ANKH: variants seen among roughly 807,000 people sequenced by gnomAD.
ANKH encodes ANKH inorganic pyrophosphate transport regulator.
Under a neutral mutation model 49.0 loss-of-function variants are expected in ANKH, and 15 were observed. The ratio of observed to expected loss-of-function variants is 0.31; its 90% CI spans 0.20 to 0.47. The LOEUF (loss-of-function observed/expected upper bound fraction) is 0.47. ANKH is among the 20% of genes least tolerant of loss of function. The probability of loss-of-function intolerance (pLI) is 1.00; values close to 1 mark genes in which losing one functional copy is unlikely to be tolerated. For missense variants in ANKH, 429 were observed against 652.0 expected (o/e 0.66, Z 3.72); for synonymous variants, 273 against 260.0 (o/e 1.05, Z -0.48).
intron 1 of ANKH, among the ~76,000 whole-genome samples, chr5:14,840,008 C>A (rs1337410276): frequency 1.3e-5 from 2 of 152,186 alleles, no homozygotes; most frequent in Admixed American, 6.5e-5. Context: ...TTATCCAAGA[C>A]CCCACTGTGA....
At chr5:14,816,152 C>G (rs1368527786) in intron 1 of ANKH, among the ~76,000 whole-genome samples, 2 of 152,170 alleles carry the variant, frequency 1.3e-5, no homozygotes, top group East Asian at 3.8e-4. Flanking sequence ...CTTTCTTTTC[C>G]AAACCCAAAA....
intron 1 of ANKH, chr5:14,870,555 C>T (rs144752704): frequency 1.0e-4 from 16 of 152,656 alleles, no homozygotes; most frequent in African/African-American, 3.1e-4. Flanking sequence ...AAATCCTCTC[C>T]CCGGCCTTAG....
At chr5:14,851,391 A>G (rs1561084126) in intron 1 of ANKH, among the ~76,000 whole-genome samples, 1 of 152,250 alleles carries the variant, frequency 6.6e-6, no homozygotes, top group Non-Finnish European at 1.5e-5. Flanking sequence ...GAGGAAAAGA[A>G]AAGTGGTCAG....
chr5:14,751,336 G>C, intron 4 of ANKH, 97 bp from the exon 5 acceptor site: 1 of 1,283,708 alleles, frequency 7.8e-7, no homozygotes, highest in East Asian at 2.4e-5. Flanking sequence ...ACAGACCTCT[G>C]AGCAAAGATC....
rs763633287 is a variant in ANKH at position 14,769,163 on chromosome 5, T to C, written c.125A>G (p.Lys42Arg). 3 of 1,613,874 alleles carry C rather than the reference T, an allele frequency of 1.9e-6. No individual in the cohort carries two copies. In the African/African-American group the frequency reaches 4.0e-5, roughly 22 times the overall value. Residue 42 changes from lysine (K) to arginine (R), a missense_variant, in exon 2 of 12, where the codon AAG becomes AGG. Lys to Arg is a conservative substitution (Grantham distance 26, BLOSUM62 2). Around this residue, in one of 2 missense-constraint regions of ANKH, gnomAD observed 378 missense variants for 615.3 expected, o/e 0.61. Transcript: ENST00000284268. ...GGCCAGCATCTCGACTGCATCCTCC[T>C]TGACAGCAGCAATGCCCCGGTTCAA... ...QALNRGIAAV[K>R]EDAVEMLASY...
At chr5:14,752,991 C>T (rs1012637317) in intron 4 of ANKH, among the ~76,000 whole-genome samples, 4 of 152,156 alleles carry the variant, frequency 2.6e-5, no homozygotes, top group African/African-American at 9.7e-5. Context: ...ACATGGCAGA[C>T]ATGTGAGTGT....
intron 2 of ANKH, among the ~76,000 whole-genome samples, chr5:14,764,494 G>A (rs1242732329): frequency 7.9e-5 from 12 of 152,124 alleles, no homozygotes; most frequent in Admixed American, 7.2e-4. Flanking sequence ...TCAGCAGAGC[G>A]ACCTCCTGGC....
At chr5:14,821,352 C>T (rs959639810) in intron 1 of ANKH, among the ~76,000 whole-genome samples, 21 of 152,242 alleles carry the variant, frequency 1.4e-4, no homozygotes, top group African/African-American at 4.8e-4. Flanking sequence ...TTTAAATTGG[C>T]CAGGAAGACA....
chr5:14,867,778 C>G (rs1735691812), intron 1 of ANKH, among the ~76,000 whole-genome samples: 1 of 152,276 alleles, frequency 6.6e-6, no homozygotes, highest in Non-Finnish European at 1.5e-5. Flanking sequence ...CCAGGATGGT[C>G]TCGATCTCCT....
intron 1 of ANKH, chr5:14,797,595 A>G: frequency 6.2e-7 from 1 of 1,609,690 alleles, no homozygotes; most frequent in East Asian, 2.2e-5. Context: ...GTGAGTGTCA[A>G]CTGAGTGGCT....
chr5:14,733,439 C>T (rs748325951), intron 8 of ANKH, among the ~76,000 whole-genome samples: 2 of 152,194 alleles, frequency 1.3e-5, no homozygotes, highest in African/African-American at 2.4e-5. Context: ...AAGCACTGCC[C>T]GTAGGTGCAG....
intron 1 of ANKH, among the ~76,000 whole-genome samples, chr5:14,825,704 T>A (rs145492042): frequency 6.6e-6 from 1 of 152,154 alleles, no homozygotes; most frequent in Non-Finnish European, 1.5e-5. Flanking sequence ...CTGAAATCTA[T>A]CGAATTGATA....
At chr5:14,849,077 T>TA (rs1167075311) in intron 1 of ANKH, among the ~76,000 whole-genome samples, 1 of 152,200 alleles carries the variant, frequency 6.6e-6, no homozygotes, top group Non-Finnish European at 1.5e-5. Context: ...TAGGAATTCT[T>TA]AGTCAGCCTA....
At chr5:14,753,061 T>C (rs1377428743) in intron 4 of ANKH, among the ~76,000 whole-genome samples, 3 of 152,086 alleles carry the variant, frequency 2.0e-5, no homozygotes, top group Non-Finnish European at 4.4e-5. Flanking sequence ...GGAAGCAGCA[T>C]AGGCCAGGAC....
At chr5:14,833,108 G>T (rs923626630) in intron 1 of ANKH, among the ~76,000 whole-genome samples, 1 of 152,196 alleles carries the variant, frequency 6.6e-6, no homozygotes, top group African/African-American at 2.4e-5. Context: ...GCAACAAACA[G>T]AACCACTCTA....
At chr5:14,797,334 G>A (rs1740420856) in intron 1 of ANKH, 4 of 1,600,804 alleles carry the variant, frequency 2.5e-6, no homozygotes, top group African/African-American at 1.3e-5. Context: ...TGCATCTTCT[G>A]GGGATTGTTC....
At chr5:14,818,388 C>A (rs1741099658) in intron 1 of ANKH, among the ~76,000 whole-genome samples, 1 of 151,792 alleles carries the variant, frequency 6.6e-6, no homozygotes, top group Non-Finnish European at 1.5e-5. Context: ...GCCTGTAATC[C>A]CAACACTTTG....
At chr5:14,717,742 G>C (rs1737524016) in intron 8 of ANKH, among the ~76,000 whole-genome samples, 1 of 152,172 alleles carries the variant, frequency 6.6e-6, no homozygotes, top group African/African-American at 2.4e-5. Flanking sequence ...AAATGCTTGG[G>C]ACCAAAAGTG....
intron 1 of ANKH, among the ~76,000 whole-genome samples, chr5:14,822,122 G>T (rs1343854810): frequency 1.3e-5 from 2 of 152,136 alleles, no homozygotes; most frequent in Admixed American, 6.5e-5. Context: ...CAGCAACCTG[G>T]ATAACATGTA....
Sources: gnomAD v4.1 joint callset for allele counts (sites outside exome capture counted in the v4.1 genomes callset) on GRCh38, gnomAD v4.1.1 for gene constraint, gnomAD v4.1.1 regional missense constraint, MANE v1.5 for transcripts, NCBI Gene and HGNC (gene_info 2026-07-23, HGNC 2026-07-21) for gene names.